The following NUMB variants were observed in gnomAD, a reference collection of about 807,000 sequenced individuals.
NUMB encodes NUMB endocytic adaptor protein, also known as protein numb homolog.
Under a neutral mutation model 59.7 loss-of-function variants are expected in NUMB, and 29 were observed. The observed-to-expected ratio is 0.49, with a 90% confidence interval of 0.36 to 0.66. The LOEUF (loss-of-function observed/expected upper bound fraction) is 0.66. Ranked by LOEUF, NUMB falls within the 30% of genes least tolerant of loss-of-function variation. The pLI, the probability that NUMB is intolerant of heterozygous loss-of-function variation, is 0.00. For missense variants in NUMB, 723 were observed against 822.0 expected, an observed-to-expected ratio of 0.88 and a Z score of 1.47; for synonymous variants, 288 against 288.2, an observed-to-expected ratio of 1.00 and a Z score of 0.01.
chr14:73,398,632 A>G (rs1394914369), intron 2 of NUMB, among the ~76,000 whole-genome samples: 2 of 152,092 alleles, frequency 1.3e-5, no homozygotes, highest in Non-Finnish European at 2.9e-5. Flanking sequence ...TGTAACAAGT[A>G]AATGAAAAGA....
At chr14:73,416,097 T>C (rs779635352) in intron 1 of NUMB, among the ~76,000 whole-genome samples, 2 of 152,206 alleles carry the variant, frequency 1.3e-5, no homozygotes, top group Non-Finnish European at 2.9e-5. Flanking sequence ...TGCCACTTCC[T>C]AGATTAAAAG....
chr14:73,377,916 G>C (rs559611129), intron 2 of NUMB, among the ~76,000 whole-genome samples: 1 of 152,042 alleles, frequency 6.6e-6, no homozygotes, highest in Non-Finnish European at 1.5e-5. Context: ...ACAGTGAGCT[G>C]AGATTGCGCC....
intron 4 of NUMB, among the ~76,000 whole-genome samples, chr14:73,325,738 G>A (rs957716856): frequency 6.6e-6 from 1 of 152,172 alleles, no homozygotes; most frequent in African/African-American, 2.4e-5. Context: ...CCAGGAAATG[G>A]AACTCCTAAA....
chr14:73,437,693 T>C (rs1595039143), intron 1 of NUMB, among the ~76,000 whole-genome samples: 2 of 152,210 alleles, frequency 1.3e-5, no homozygotes, highest in East Asian at 3.8e-4. Context: ...TATGGAATGA[T>C]TCCATTTACA....
At chr14:73,419,174 G>A (rs1168983745) in intron 1 of NUMB, among the ~76,000 whole-genome samples, 7 of 152,042 alleles carry the variant, frequency 4.6e-5, no homozygotes, top group African/African-American at 1.7e-4. Context: ...CTTCTCTTTG[G>A]CAAAAATTTC....
intron 4 of NUMB, among the ~76,000 whole-genome samples, chr14:73,328,000 C>T (rs1224784909): frequency 4.6e-5 from 7 of 151,928 alleles, no homozygotes; most frequent in East Asian, 3.9e-4. Context: ...ATTGGCTGGG[C>T]GTGGTGGCTC....
intron 2 of NUMB, among the ~76,000 whole-genome samples, chr14:73,404,156 C>G (rs151251288): frequency 6.6e-6 from 1 of 151,240 alleles, no homozygotes; most frequent in East Asian, 1.9e-4. Context: ...ACACAAGAAT[C>G]GCTTGAGCCT....
At chr14:73,430,124 A>T (rs1024698576) in intron 1 of NUMB, among the ~76,000 whole-genome samples, 1 of 150,972 alleles carries the variant, frequency 6.6e-6, no homozygotes, top group African/African-American at 2.4e-5. Context: ...TATATGTTTT[A>T]AATTTACATT....
At chr14:73,318,984 C>T (rs993107105) in intron 5 of NUMB, among the ~76,000 whole-genome samples, 1 of 152,042 alleles carries the variant, frequency 6.6e-6, no homozygotes, top group South Asian at 2.1e-4. Flanking sequence ...ATTTAAAAAG[C>T]GCTAGAAGGC....
rs752517102 is a variant in NUMB, at chr14:73,277,143, T to C, written c.1391A>G (p.Gln464Arg). The C allele has an allele frequency of 3.7e-6, 6 of 1,613,992 alleles. 1 individual carries two copies. In the South Asian group the frequency reaches 4.4e-5, roughly 12 times the overall value. The change falls in exon 13 of 13, where the codon CAG (glutamine) becomes CGG (arginine). Residue 464 changes from glutamine (Q) to arginine (R), a missense_variant. Physicochemically the swap from Gln to Arg is conservative, Grantham distance 43 (BLOSUM62 1). Coordinates refer to ENST00000555238, the MANE Select transcript of NUMB (RefSeq NM_001005743.2). Reference protein sequence around the residue: ...QQPQASAAPLQPVLQPPPPTA... With the variant: ...QQPQASAAPLRPVLQPPPPTA... Reference sequence around the variant, plus strand: ...GGGTGGAGGAGGCTGGAGAACTGGCTGCAGAGGAGCAGCTGAGGCCTGGGG... The same window carrying C: ...GGGTGGAGGAGGCTGGAGAACTGGCCGCAGAGGAGCAGCTGAGGCCTGGGG...
intron 2 of NUMB, among the ~76,000 whole-genome samples, chr14:73,400,572 AC>A (rs1896364825): frequency 6.6e-6 from 1 of 152,214 alleles, no homozygotes; most frequent in African/African-American, 2.4e-5. Flanking sequence ...TAATGAGATG[AC>A]AGTGGCTGGA....
At chr14:73,407,268 A>T (rs1896716076) in intron 2 of NUMB, among the ~76,000 whole-genome samples, 1 of 152,150 alleles carries the variant, frequency 6.6e-6, no homozygotes, top group Non-Finnish European at 1.5e-5. Flanking sequence ...CCTGGGCAAT[A>T]CAGCAAAACC....
Position 73,403,801 on chromosome 14 carries a change from C to CA in NUMB, c.-101+6135dup, listed in dbSNP as rs368146105. On this transcript the variant is annotated intron_variant, in intron 2 of 12. Transcript: ENST00000555238. ...CAAAACCCTGTCTCTATTAAAAATA[C>CA]AAAAAAAAAGAGGCCAGGCATGGTG... 5.8e-3 allele frequency among the ~76,000 whole-genome samples: 876 copies of CA among 150,190 alleles called. 12 individuals carry two copies. Among genetic ancestry groups the CA allele is most frequent in the African/African-American group, 0.018 (728 of 41,018 alleles).
Position 73,355,632 on chromosome 14 carries a change from C to T in NUMB, c.120G>A (p.Pro40=), listed in dbSNP as rs780987980. 105 of 1,612,724 alleles carry T rather than the reference C, an allele frequency of 6.5e-5. No homozygotes were observed. The highest frequency in any genetic ancestry group is 3.9e-4 in the Admixed American group (23 of 59,714). Residue 40 remains proline, a synonymous_variant, in exon 4 of 13, where the codon CCG becomes CCA. Coordinates refer to ENST00000555238, the MANE Select transcript of NUMB (RefSeq NM_001005743.2). ...TAGAAACATCAGCTCTTACCTTAACCGGGAAGCTACATTTTCCGGTGCGAA... is the reference window on the plus strand; with the variant it reads ...TAGAAACATCAGCTCTTACCTTAACTGGGAAGCTACATTTTCCGGTGCGAA... ...EGVRTGKCSF[P]VKYLGHVEVD...
At chr14:73,427,893 C>A (rs988301499) in intron 1 of NUMB, among the ~76,000 whole-genome samples, 6 of 152,026 alleles carry the variant, frequency 3.9e-5, no homozygotes, top group Non-Finnish European at 8.8e-5. Flanking sequence ...TTTTTTAATG[C>A]GATAAAGTTA....
At position 73,284,114 on chromosome 14, in the gene NUMB, G is replaced by C. The variant is rs1414039315; in HGVS notation, c.916C>G (p.Gln306Glu). ...LRINELPSTM[Q>E]RKTDFPIKNA... ...TTAATGGGGAAATCAGTCTTCCTCT[G>C]CATAGTGGAAGGCAACTCATTGATG... The change falls in exon 10 of 13, where the codon CAG becomes GAG. Residue 306 changes from glutamine to glutamate, a missense_variant. By Grantham distance (29) the Gln-to-Glu change is conservative (BLOSUM62 2). Coordinates refer to ENST00000555238, the MANE Select transcript of NUMB (RefSeq NM_001005743.2). 1 of 1,614,146 alleles carries C rather than the reference G, an allele frequency of 6.2e-7. No individual in the cohort carries two copies. The highest frequency in any genetic ancestry group is 8.5e-7 in the Non-Finnish European group (1 of 1,179,996).
intron 1 of NUMB, among the ~76,000 whole-genome samples, chr14:73,450,776 G>A (rs959488007): frequency 6.0e-5 from 9 of 150,512 alleles, no homozygotes; most frequent in African/African-American, 7.3e-5. Flanking sequence ...AAGACAGAGC[G>A]AGACCCCATC....
chr14:73,349,460 G>A (rs183484730), intron 4 of NUMB, among the ~76,000 whole-genome samples: 23 of 152,036 alleles, frequency 1.5e-4, no homozygotes, highest in East Asian at 7.7e-4. Flanking sequence ...AGTGGCAGGC[G>A]CCTGTAATCC....
chr14:73,286,148 C>T (rs147998818), intron 9 of NUMB: 1 of 150,812 alleles, frequency 6.6e-6, no homozygotes, highest in East Asian at 1.9e-4. Context: ...TCTCAGCCTC[C>T]CAAGCAGCTA....
Sources: allele counts gnomAD v4.1 joint callset (sites outside exome capture counted in the v4.1 genomes callset), GRCh38; gene constraint gnomAD v4.1.1; transcripts MANE v1.5; gene names NCBI Gene and HGNC (gene_info 2026-07-23, HGNC 2026-07-21).